CCDC175: variants seen among roughly 807,000 people sequenced by gnomAD.
CCDC175 encodes the protein coiled-coil domain containing 175, also known as coiled-coil domain-containing protein 175.
A neutral mutation model predicts 114.6 loss-of-function variants in CCDC175; 100 were observed. The observed-to-expected ratio is 0.87, with a 90% CI of 0.74 to 1.03. CCDC175 has a LOEUF of 1.03. CCDC175 is among the 50% of genes least tolerant of loss of function. The pLI is 0.00. For synonymous variants in CCDC175, 306 were observed against 308.7 expected (o/e 0.99, Z 0.09); for missense variants, 880 against 917.8 (o/e 0.96, Z 0.53).
At chr14:59,568,932 G>A (rs6573271) in intron 3 of CCDC175, among the ~76,000 whole-genome samples, 4,818 of 152,174 alleles carry the variant, frequency 0.032, 239 homozygotes, top group African/African-American at 0.11. Context: ...CCTTGCTTTG[G>A]TCTCCTTATC....
Position 59,510,671 on chromosome 14 carries a change from T to C in CCDC175, c.2280A>G (p.Glu760=), listed in dbSNP as rs1452124037. The C allele has an allele frequency of 1.3e-6, 2 of 1,537,098 alleles. No individual in the cohort carries two copies. The part of the protein sequence containing the change: ...GSLEGLRLLV[E]QESPMDLLKK... ...TAAGAAGGTCCATTGGTGATTCCTG[T>C]TCCACAAGCAAACGCAGCCCTTCAA... is the stretch of plus-strand genomic sequence containing the variant. Residue 760 remains glutamate (E), a synonymous_variant, in exon 19 of 20, where the codon GAA becomes GAG. Coordinates refer to ENST00000537690, the MANE Select transcript of CCDC175 (RefSeq NM_001164399.2).
intron 3 of CCDC175, among the ~76,000 whole-genome samples, chr14:59,570,507 T>G (rs938155017): frequency 9.2e-5 from 14 of 152,170 alleles, no homozygotes; most frequent in Admixed American, 9.2e-4. Flanking sequence ...AAAATGTGTG[T>G]GTAGAGCATT....
chr14:59,536,155 C>T (rs1368892612), intron 13 of CCDC175, among the ~76,000 whole-genome samples: 1 of 152,150 alleles, frequency 6.6e-6, no homozygotes, highest in Non-Finnish European at 1.5e-5. Context: ...CTCCCACCAC[C>T]CCTGGCACTC....
At chr14:59,541,580 T>TA (rs1894791539) in intron 10 of CCDC175, among the ~76,000 whole-genome samples, 1 of 152,216 alleles carries the variant, frequency 6.6e-6, no homozygotes, top group Non-Finnish European at 1.5e-5. Context: ...GAAACTGTAG[T>TA]ATGGACTCTC....
At chr14:59,567,365 G>A (rs1181302198) in intron 4 of CCDC175, among the ~76,000 whole-genome samples, 1 of 152,084 alleles carries the variant, frequency 6.6e-6, no homozygotes, top group African/African-American at 2.4e-5. Context: ...AATGTCCCTG[G>A]GTCTTGAGGT....
chr14:59,561,568 T>G (rs1896229047), intron 6 of CCDC175, among the ~76,000 whole-genome samples: 1 of 152,222 alleles, frequency 6.6e-6, no homozygotes. Flanking sequence ...CATCTTCCTT[T>G]ATCATCCCAG....
At chr14:59,554,341 T>A (rs543501575) in intron 7 of CCDC175, among the ~76,000 whole-genome samples, 37 of 152,352 alleles carry the variant, frequency 2.4e-4, no homozygotes, top group African/African-American at 8.9e-4. Context: ...ACATGGAAAC[T>A]GAACAACCTG....
chr14:59,525,795 T>C (rs1001721669), intron 15 of CCDC175, among the ~76,000 whole-genome samples: 1 of 152,140 alleles, frequency 6.6e-6, no homozygotes, highest in Non-Finnish European at 1.5e-5. Context: ...TAATAAACAA[T>C]ACAGTATGAC....
At chr14:59,511,547 G>GT (rs1213731006) in intron 18 of CCDC175, among the ~76,000 whole-genome samples, 20 of 2,388 alleles carry the variant, frequency 8.4e-3, no homozygotes, top group African/African-American at 0.016. Context: ...GTGATATTTG[G>GT]TAAAAAAAAA....
chr14:59,525,486 G>A lies in CCDC175; in HGVS notation c.1843-52C>T, dbSNP rs569724847. The A allele has an allele frequency of 1.4e-3, 1,926 of 1,377,648 alleles. 6 individuals are homozygous for A. The highest frequency in any genetic ancestry group is 3.6e-3 in the Middle Eastern group (20 of 5,616). The allele number at this position is 1,377,648 out of a possible 1,614,324, so 85.3% of individuals were successfully genotyped here. On this transcript the variant is annotated intron_variant, in intron 15 of 19. Coordinates refer to ENST00000537690, the MANE Select transcript of CCDC175 (RefSeq NM_001164399.2). ...TCTCTGAGTTCAAACAGTAGGGCAC[G>A]AGGGTATTATACTGCCTAGGTCACA... is the stretch of plus-strand genomic sequence containing the variant.
chr14:59,521,961 T>C (rs1594993296), intron 16 of CCDC175, among the ~76,000 whole-genome samples: 2 of 152,374 alleles, frequency 1.3e-5, no homozygotes, highest in South Asian at 4.1e-4. Context: ...TCTGTCTGAA[T>C]GCAATATGTC....
At chr14:59,512,532 C>T (rs572696595) in intron 17 of CCDC175, among the ~76,000 whole-genome samples, 23 of 152,278 alleles carry the variant, frequency 1.5e-4, no homozygotes, top group African/African-American at 5.3e-4. Context: ...GTGCCTTTTC[C>T]CTTTGCTGAT....
chr14:59,526,025 CA>C (rs1048538934), intron 15 of CCDC175, among the ~76,000 whole-genome samples: 4 of 151,940 alleles, frequency 2.6e-5, no homozygotes, highest in African/African-American at 9.7e-5. Flanking sequence ...AATTGTCCAG[CA>C]AAAATAGAGA....
intron 14 of CCDC175, among the ~76,000 whole-genome samples, chr14:59,531,222 A>G (rs181558109): frequency 1.8e-4 from 27 of 152,236 alleles, no homozygotes; most frequent in Middle Eastern, 3.4e-3. Flanking sequence ...TTATTTTTAT[A>G]TTAAACATGC....
chr14:59,537,746 A>G (rs1233522214), intron 13 of CCDC175, among the ~76,000 whole-genome samples: 2 of 152,146 alleles, frequency 1.3e-5, no homozygotes, highest in African/African-American at 2.4e-5. Context: ...GCCAGCTCCA[A>G]ATGGCTTCCT....
intron 17 of CCDC175, among the ~76,000 whole-genome samples, chr14:59,513,465 C>A (rs922879236): frequency 4.6e-5 from 7 of 152,316 alleles, no homozygotes; most frequent in Non-Finnish European, 7.4e-5. Flanking sequence ...GTCACTCCCA[C>A]CCCAATATGG....
intron 17 of CCDC175, among the ~76,000 whole-genome samples, chr14:59,519,969 A>G (rs1362088754): frequency 1.3e-5 from 2 of 152,234 alleles, no homozygotes; most frequent in Non-Finnish European, 2.9e-5. Flanking sequence ...AACTTCAGAC[A>G]CAGGAATGAG....
At chr14:59,511,953 C>T (rs185246152) in intron 17 of CCDC175, 150 bp from the exon 18 acceptor site, 2 of 613,120 alleles carry the variant, frequency 3.3e-6, no homozygotes, top group Admixed American at 2.9e-5. Context: ...TTGGACCTGC[C>T]CTCCCACTGC....
intron 13 of CCDC175, among the ~76,000 whole-genome samples, chr14:59,533,464 T>C (rs1894189036): frequency 6.6e-6 from 1 of 152,238 alleles, no homozygotes; most frequent in African/African-American, 2.4e-5. Context: ...TTTCACATCT[T>C]GCTTATGTTC....
Sources: gnomAD v4.1 joint callset for allele counts (sites outside exome capture counted in the v4.1 genomes callset) on GRCh38, gnomAD v4.1.1 for gene constraint, MANE v1.5 for transcripts, NCBI Gene and HGNC (gene_info 2026-07-23, HGNC 2026-07-21) for gene names.